ZC3H13: variants seen among roughly 807,000 people sequenced by gnomAD.
The protein encoded by ZC3H13 is zinc finger CCCH domain-containing protein 13.
Under a neutral mutation model 204.1 loss-of-function variants are expected in ZC3H13, and 64 were observed. The ratio of observed to expected loss-of-function variants is 0.31; its 90% confidence interval spans 0.26 to 0.39. The LOEUF is 0.39. Ranked by LOEUF, ZC3H13 falls within the 10% of genes least tolerant of loss-of-function variation. The probability of loss-of-function intolerance (pLI) is 1.00; values close to 1 mark genes in which losing one functional copy is unlikely to be tolerated. For synonymous variants in ZC3H13, 667 were observed against 693.7 expected, an observed-to-expected ratio of 0.96 and a Z score of 0.60; for missense variants, 1,833 against 2,082.7, an observed-to-expected ratio of 0.88 and a Z score of 2.33.
At chr13:46,032,508 A>T (rs1191237861) in intron 4 of ZC3H13, among the ~76,000 whole-genome samples, 2 of 152,192 alleles carry the variant, frequency 1.3e-5, no homozygotes, top group African/African-American at 4.8e-5. Context: ...TGGCAAAAAG[A>T]CAAGTTTGAA....
intron 12 of ZC3H13, among the ~76,000 whole-genome samples, chr13:45,972,086 A>T (rs1952631627): frequency 6.6e-6 from 1 of 152,164 alleles, no homozygotes; most frequent in Admixed American, 6.5e-5. Flanking sequence ...TATGAAAAAC[A>T]GTATGGAGAG....
rs778382533 is a variant in ZC3H13, at chr13:45,988,958, T to C, written c.1084A>G (p.Thr362Ala). 6.8e-6 allele frequency: 11 copies of C among 1,613,758 alleles called. No individual in the cohort carries two copies. The South Asian group carries it at 1.1e-4, about 16-fold the overall frequency. Residue 362 changes from threonine (T) to alanine (A), a missense_variant, in exon 9 of 19, where the codon ACA becomes GCA. Coordinates refer to ENST00000679008, the MANE Select transcript of ZC3H13 (RefSeq NM_001330564.2). ...KRTPSPSYQR[T>A]LTPPLRRSAS... Reference sequence around the variant, plus strand: ...GAGCGTCGTAAAGGTGGAGTTAGTGTCCGCTGATAAGATGGTGAAGGAGTT... The same window carrying C: ...GAGCGTCGTAAAGGTGGAGTTAGTGCCCGCTGATAAGATGGTGAAGGAGTT...
chr13:46,011,537 T>C lies in ZC3H13; in HGVS notation c.466A>G (p.Ile156Val), dbSNP rs1226530292. 1.9e-6 allele frequency: 3 copies of C among 1,586,672 alleles called. No homozygotes were observed. The highest frequency in any genetic ancestry group is 1.4e-5 in the African/African-American group (1 of 73,888). Residue 156 changes from isoleucine (I) to valine (V), a missense_variant, in exon 6 of 19, where the codon ATT (isoleucine) becomes GTT (valine). By Grantham distance (29) the Ile-to-Val change is conservative. Around this residue, in one of 5 missense-constraint regions of ZC3H13, gnomAD observed 1,574 missense variants for 1,757.2 expected, o/e 0.90. Coordinates refer to ENST00000679008, the MANE Select transcript of ZC3H13 (RefSeq NM_001330564.2). ...TNRDDSDNGD[I>V]NYDYVHELSL... is the part of the protein sequence containing the mutation. ...AATTCATGAACATAATCATAATTAA[T>C]ATCTCCATTGTCAGAATCTTTAAAA...
intron 15 of ZC3H13, among the ~76,000 whole-genome samples, chr13:45,966,705 T>C (rs1952117078): frequency 6.6e-6 from 1 of 152,168 alleles, no homozygotes; most frequent in African/African-American, 2.4e-5. Context: ...CTATTTATAC[T>C]CAAAATTGAG....
intron 9 of ZC3H13, among the ~76,000 whole-genome samples, chr13:45,987,368 T>C (rs373963686): frequency 2.6e-5 from 4 of 152,208 alleles, no homozygotes; most frequent in Non-Finnish European, 4.4e-5. Flanking sequence ...ATAATGTTAA[T>C]GGAGTTTTCA....
rs901517340 is a variant in ZC3H13 at position 45,973,365 on chromosome 13, T to C, written c.2468+1918A>G. Among the ~76,000 whole-genome samples the C allele has an allele frequency of 3.3e-5, 5 of 152,328 alleles. No homozygotes were observed. The East Asian group carries it at 9.6e-4, about 29-fold the overall frequency. ...TAAGATATTAATCTCATGTAATTAG[T>C]TTCTGTTATAGAGTTATTCAACTTC... On this transcript the variant is annotated intron_variant, in intron 12 of 18. Transcript: ENST00000679008.
chr13:45,993,884 TA>T (rs954313858), intron 8 of ZC3H13, among the ~76,000 whole-genome samples: 8 of 152,012 alleles, frequency 5.3e-5, no homozygotes, highest in South Asian at 2.1e-4. Flanking sequence ...CAGATTTGAT[TA>T]AAAAAAACCC....
At chr13:46,011,590 C>T in intron 5 of ZC3H13, 36 bp from the exon 6 acceptor site, 1 of 1,491,624 alleles carries the variant, frequency 6.7e-7, no homozygotes, top group East Asian at 2.4e-5. Flanking sequence ...TAGAAACTAG[C>T]ATAATTATCT....
At chr13:45,970,145 T>C (rs955000600) in intron 13 of ZC3H13, among the ~76,000 whole-genome samples, 174 bp from the exon 14 acceptor site, 1 of 152,146 alleles carries the variant, frequency 6.6e-6, no homozygotes, top group South Asian at 2.1e-4. Flanking sequence ...AAAATGACAA[T>C]AATTTTAGTA....
chr13:45,999,107 A>G (rs1249220915), intron 8 of ZC3H13, among the ~76,000 whole-genome samples: 1 of 152,046 alleles, frequency 6.6e-6, no homozygotes, highest in African/African-American at 2.4e-5. Flanking sequence ...GAGTGTGGCA[A>G]CGCAAGCCTG....
chr13:45,987,132 T>C (rs1027594523), intron 9 of ZC3H13, among the ~76,000 whole-genome samples: 2 of 152,214 alleles, frequency 1.3e-5, no homozygotes, highest in African/African-American at 4.8e-5. Flanking sequence ...AGGTACTGTA[T>C]TTTCTTCTTT....
At chr13:46,044,105 G>A (rs1472587638) in intron 3 of ZC3H13, among the ~76,000 whole-genome samples, 1 of 150,782 alleles carries the variant, frequency 6.6e-6, no homozygotes, top group African/African-American at 2.4e-5. Flanking sequence ...CTAATGTTGA[G>A]GGTTTGAATT....
At chr13:45,991,787 G>A (rs1324898644) in intron 8 of ZC3H13, among the ~76,000 whole-genome samples, 1 of 152,084 alleles carries the variant, frequency 6.6e-6, no homozygotes, top group Non-Finnish European at 1.5e-5. Context: ...GTTGATCTTT[G>A]GTCTGACTAG....
At chr13:46,012,172 G>A (rs1033166278) in intron 5 of ZC3H13, among the ~76,000 whole-genome samples, 16 of 152,256 alleles carry the variant, frequency 1.1e-4, no homozygotes, top group African/African-American at 3.9e-4. Context: ...CCGTCTCAAC[G>A]GATCTGATGC....
At chr13:46,006,266 G>A (rs1475823504) in intron 7 of ZC3H13, among the ~76,000 whole-genome samples, 2 of 151,794 alleles carry the variant, frequency 1.3e-5, no homozygotes, top group Non-Finnish European at 2.9e-5. Context: ...CAGTCTCCCT[G>A]CTGCCCCGCC....
chr13:46,003,344 T>C lies in ZC3H13; in HGVS notation c.747-8A>G, dbSNP rs1322566883. On this transcript the variant is annotated splice_region_variant and splice_polypyrimidine_tract_variant and intron_variant, in intron 7 of 18. Coordinates refer to ENST00000679008, the MANE Select transcript of ZC3H13 (RefSeq NM_001330564.2). ...TGGTTGGTTTTTGAATTTCTGAAGG[T>C]AACAAAAAGCTATCATTAGAGGTTC... The C allele has an allele frequency of 6.2e-7, 1 of 1,602,798 alleles. No individual in the cohort carries two copies. The highest frequency in any genetic ancestry group is 1.8e-5 in the Admixed American group (1 of 56,862).
At chr13:46,014,368 A>T (rs2041781708) in intron 5 of ZC3H13, among the ~76,000 whole-genome samples, 1 of 151,740 alleles carries the variant, frequency 6.6e-6, no homozygotes, top group East Asian at 1.9e-4. Context: ...CCATCCCCAC[A>T]ACAGGCCCTG....
chr13:46,035,630 A>G (rs2043164260), intron 4 of ZC3H13, among the ~76,000 whole-genome samples: 3 of 152,156 alleles, frequency 2.0e-5, no homozygotes, highest in Admixed American at 2.0e-4. Context: ...CACTCATTTG[A>G]TCTATTTACC....
At chr13:45,959,122 C>T (rs749168090) in intron 18 of ZC3H13, among the ~76,000 whole-genome samples, 3 of 147,938 alleles carry the variant, frequency 2.0e-5, no homozygotes, top group Non-Finnish European at 3.0e-5. Context: ...TTTCTTCCAA[C>T]TTTGTATATT....
Sources: gnomAD v4.1 joint callset for allele counts (sites outside exome capture counted in the v4.1 genomes callset) on GRCh38, gnomAD v4.1.1 for gene constraint, gnomAD v4.1.1 regional missense constraint, MANE v1.5 for transcripts, NCBI Gene and HGNC (gene_info 2026-07-23, HGNC 2026-07-21) for gene names.